Variants in ZNFX1 observed in about 807,000 individuals in gnomAD.
The protein encoded by ZNFX1 is zinc finger NFX1-type containing 1, also known as NFX1-type zinc finger-containing protein 1.
In ZNFX1, 78 loss-of-function variants were observed where a neutral mutation model predicts 179.8. The ratio of observed to expected loss-of-function variants is 0.43; its 90% confidence interval spans 0.36 to 0.52. ZNFX1 has a LOEUF of 0.52. Among genes scored for constraint, ZNFX1 ranks in the 20% least tolerant of loss-of-function variants. ZNFX1 has a pLI of 0.00. For missense variants in ZNFX1, 1,927 were observed against 2,386.6 expected (o/e 0.81, Z 4.01); for synonymous variants, 848 against 868.5 (o/e 0.98, Z 0.42).
At chr20:49,251,874 G>A (rs1331114247) in intron 12 of ZNFX1, among the ~76,000 whole-genome samples, 1 of 149,758 alleles carries the variant, frequency 6.7e-6, no homozygotes, top group South Asian at 2.1e-4. Context: ...GTGTCACCAA[G>A]GCTGGGGTGC....
chr20:49,270,087 C>T lies in ZNFX1; in HGVS notation c.1725G>A (p.Glu575=). ...SATGEFLRNV[E]GLRHPRINVL... Reference sequence around the variant, plus strand: ...CATTAATTCTGGGATGTCTCAAACCCTCGACATTTCTTAGAAATTCCCCAG... The same window carrying T: ...CATTAATTCTGGGATGTCTCAAACCTTCGACATTTCTTAGAAATTCCCCAG... The change falls in exon 3 of 14, where the codon GAG becomes GAA. Residue 575 remains glutamate, a synonymous_variant. Coordinates refer to ENST00000396105, the MANE Select transcript of ZNFX1 (RefSeq NM_021035.3). This position sits in a 1 kb window ranked among gnomAD's most constrained non-coding sequence, Gnocchi z 4.6. 6.2e-7 allele frequency: 1 copy of T among 1,614,234 alleles called. No homozygotes were observed. The highest frequency in any genetic ancestry group is 8.5e-7 in the Non-Finnish European group (1 of 1,180,038).
At chr20:49,252,851 G>A in intron 11 of ZNFX1, 21 bp from the exon 12 acceptor site, 1 of 1,572,432 alleles carries the variant, frequency 6.4e-7, no homozygotes, top group Non-Finnish European at 8.8e-7. Context: ...AAACATGGCT[G>A]AGGATTCTCT....
chr20:49,248,267 A>C lies in ZNFX1; in HGVS notation c.4757T>G (p.Val1586Gly). 1 of 1,614,160 alleles carries C rather than the reference A, an allele frequency of 6.2e-7. No individual in the cohort carries two copies. The highest frequency in any genetic ancestry group is 8.5e-7 in the Non-Finnish European group (1 of 1,180,036). Residue 1586 changes from valine (V) to glycine (G), a missense_variant, in exon 14 of 14, where the codon GTG becomes GGG. Transcript: ENST00000396105. The surrounding 1 kb of genome is among the most constrained non-coding windows in gnomAD (Gnocchi z 4.6). The stretch of plus-strand genomic sequence containing the variant: ...GATGTGGCTGCAGTCTTCCAGCTGC[A>C]CAAAGCGGGCATCAGGCTCATCCTC... ...GFEDEPDARFVQLEDCSHIFE... is the reference protein window; with the variant it reads ...GFEDEPDARFGQLEDCSHIFE...
chr20:49,271,181 A>G lies in ZNFX1; in HGVS notation c.631T>C (p.Leu211=). 2.5e-6 allele frequency: 4 copies of G among 1,614,132 alleles called. No individual in the cohort carries two copies. The highest frequency in any genetic ancestry group is 3.4e-6 in the Non-Finnish European group (4 of 1,180,008). Residue 211 remains leucine (L), a synonymous_variant, in exon 3 of 14, where the codon TTG becomes CTG. Coordinates refer to ENST00000396105, the MANE Select transcript of ZNFX1 (RefSeq NM_021035.3). ...ACTTTGAGAAATTTGGAGTTTTTCA[A>G]TATGCCCAGTACATGGAGAACACTC... The part of the protein sequence containing the change: ...RQSVLHVLGI[L]KNSKFLKVCL...
chr20:49,277,164 C>G (rs1171336914), intron 1 of ZNFX1, among the ~76,000 whole-genome samples: 1 of 152,070 alleles, frequency 6.6e-6, no homozygotes, highest in Non-Finnish European at 1.5e-5. Flanking sequence ...TCAAGCTGGC[C>G]TGGAGTCAGA....
chr20:49,267,405 T>A (rs6122778), intron 3 of ZNFX1, among the ~76,000 whole-genome samples: 49,118 of 151,688 alleles, frequency 0.32, 9,417 homozygotes, highest in Middle Eastern at 0.47. Context: ...TTTCAAGGGA[T>A]CCTCCCATCT....
Position 49,246,751 on chromosome 20 carries a change from T to A in ZNFX1, c.*516A>T. 2.4e-6 allele frequency: 1 copy of A among 422,014 alleles called. No individual in the cohort carries two copies. The highest frequency in any genetic ancestry group is 1.7e-5 in the South Asian group (1 of 58,602). The allele number at this position is 422,014 out of a possible 1,614,324, so 26.1% of individuals were successfully genotyped here. A position where few individuals can be genotyped will look rare whatever the true frequency, so the allele number is the denominator to read the frequency against. ...TGCAGGAGAGAAGGGGTGAGATTTG[T>A]TAACTTTGCTCTCAGTTCTGGAGAT... is the stretch of plus-strand genomic sequence containing the variant. On this transcript the variant is annotated 3_prime_UTR_variant, in exon 14 of 14. Coordinates refer to ENST00000396105, the MANE Select transcript of ZNFX1 (RefSeq NM_021035.3).
In ZNFX1 at chr20:49,247,808, T is replaced by C; in HGVS notation, c.5216A>G (p.Glu1739Gly). 1 of 1,614,184 alleles carries C rather than the reference T, an allele frequency of 6.2e-7. No homozygotes were observed. Among genetic ancestry groups the C allele is most frequent in the African/African-American group, 1.3e-5 (1 of 75,054 alleles). ...RVRTRLEQVH[E>G]WLAKKRLSFT... Reference sequence around the variant, plus strand: ...GCTCAAGCGCTTCTTGGCCAGCCACTCATGGACCTGTTCTAGTCGAGTCCT... The same window carrying C: ...GCTCAAGCGCTTCTTGGCCAGCCACCCATGGACCTGTTCTAGTCGAGTCCT... The change falls in exon 14 of 14, where the codon GAG becomes GGG. Residue 1739 changes from glutamate (E) to glycine (G), a missense_variant. Glu to Gly is a moderately conservative substitution (Grantham distance 98). Transcript: ENST00000396105.
intron 5 of ZNFX1, 107 bp from the exon 6 acceptor site, chr20:49,263,590 GAATA>G (rs2146736896): frequency 1.5e-6 from 2 of 1,343,054 alleles, no homozygotes; most frequent in South Asian, 1.3e-5. Context: ...TAAGGAGGGA[GAATA>G]AATAAATAGA....
intron 2 of ZNFX1, among the ~76,000 whole-genome samples, chr20:49,273,672 G>A (rs969276589): frequency 6.6e-6 from 1 of 152,130 alleles, no homozygotes; most frequent in African/African-American, 2.4e-5. Context: ...GCTCATGCCT[G>A]TAATCCCAGC....
intron 2 of ZNFX1, among the ~76,000 whole-genome samples, chr20:49,275,191 C>T (rs1981526444): frequency 6.6e-6 from 1 of 151,998 alleles, no homozygotes; most frequent in Non-Finnish European, 1.5e-5. Flanking sequence ...TTGGATGCTG[C>T]TCTACACCAA....
intron 4 of ZNFX1, among the ~76,000 whole-genome samples, chr20:49,265,859 G>C (rs1156316394): frequency 1.3e-5 from 2 of 152,208 alleles, no homozygotes; most frequent in African/African-American, 2.4e-5. Context: ...GATGGAGAGG[G>C]AAAAAACTAT....
intron 9 of ZNFX1, among the ~76,000 whole-genome samples, chr20:49,255,441 C>G (rs1980946323): frequency 6.6e-6 from 1 of 152,106 alleles, no homozygotes; most frequent in Non-Finnish European, 1.5e-5. Flanking sequence ...CTAGCCTCAG[C>G]CTCCCAAAGT....
chr20:49,271,788 A>G, intron 2 of ZNFX1, 38 bp from the exon 3 acceptor site: 1 of 1,548,800 alleles, frequency 6.5e-7, no homozygotes, highest in East Asian at 2.3e-5. Context: ...ACAAGAACCA[A>G]GTTCTGTTGG....
At chr20:49,262,799 A>G (rs1240573253) in intron 6 of ZNFX1, among the ~76,000 whole-genome samples, 1 of 152,210 alleles carries the variant, frequency 6.6e-6, no homozygotes, top group Non-Finnish European at 1.5e-5. Context: ...TGAGGATCAC[A>G]TGAACCCAAG....
At chr20:49,251,449 G>A (rs1428507680) in intron 13 of ZNFX1, 78 bp downstream of exon 13, 1 of 1,417,778 alleles carries the variant, frequency 7.1e-7, no homozygotes, top group Non-Finnish European at 9.7e-7. Context: ...CCGCTGAAAA[G>A]CTTTTTTATC....
chr20:49,260,600 TTGTGAGG>T, intron 6 of ZNFX1, 23 bp from the exon 7 acceptor site: 1 of 1,527,076 alleles, frequency 6.5e-7, no homozygotes, highest in Non-Finnish European at 9.0e-7. Flanking sequence ...GAATGATCAT[TTGTGAGG>T]ATTCTATGAC....
Position 49,251,508 on chromosome 20 carries a change from T to C in ZNFX1, c.3312+19A>G. 1 of 1,601,068 alleles carries C rather than the reference T, an allele frequency of 6.2e-7. No homozygotes were observed. The highest frequency in any genetic ancestry group is 8.5e-7 in the Non-Finnish European group (1 of 1,172,262). On this transcript the variant is annotated intron_variant, in intron 13 of 13. Transcript: ENST00000396105. ...GGTTGCTGACACCATCCAAGAAAGA[T>C]CGGGTAAGACAGACTCACCTTAATC... is the stretch of plus-strand genomic sequence containing the variant.
chr20:49,260,574 T>C lies in ZNFX1; in HGVS notation c.2305A>G (p.Ser769Gly). The C allele has an allele frequency of 6.2e-7, 1 of 1,600,636 alleles. No individual in the cohort carries two copies. The highest frequency in any genetic ancestry group is 8.5e-7 in the Non-Finnish European group (1 of 1,171,678). The change falls in exon 7 of 14, where the codon AGT becomes GGT. Residue 769 changes from serine (S) to glycine (G), a missense_variant. Ser to Gly is a moderately conservative substitution (Grantham distance 56, BLOSUM62 0). Transcript: ENST00000396105. The stretch of plus-strand genomic sequence containing the variant: ...CAGTGCTGGAAGCAAATCCATTCAC[T>C]ATCCTAAGGAAAGAAGAATGATCAT... ...ESLMNGPVQD[S>G]EWICFQHWKH...
Sources: allele counts gnomAD v4.1 joint callset (sites outside exome capture counted in the v4.1 genomes callset), GRCh38; gene constraint gnomAD v4.1.1; non-coding constraint Gnocchi (gnomAD v3.1); transcripts MANE v1.5; gene names NCBI Gene and HGNC (gene_info 2026-07-23, HGNC 2026-07-21).